Variants in SEL1L3 observed in about 807,000 individuals in gnomAD.
SEL1L3 encodes the protein protein sel-1 homolog 3.
In SEL1L3, 76 loss-of-function variants were observed where a neutral mutation model predicts 142.8. That is an observed-to-expected ratio of 0.53 (90% CI 0.44 to 0.64). The LOEUF (loss-of-function observed/expected upper bound fraction) is 0.64, where lower values mean the gene tolerates loss of function less well. SEL1L3 is among the 30% of genes least tolerant of loss of function. The pLI is 0.00. For missense variants in SEL1L3, 1,262 were observed against 1,381.7 expected (o/e 0.91, Z 1.37); for synonymous variants, 504 against 519.6 (o/e 0.97, Z 0.41).
In SEL1L3 at chr4:25,788,189, T is replaced by C. The variant is rs370965717; in HGVS notation, c.2217+35A>G. The stretch of plus-strand genomic sequence containing the variant: ...AAACTGCTCAGGAGTCTGATAAGAA[T>C]TGCACAATTTCAGCACGAATTAAGT... On this transcript the variant is annotated intron_variant, in intron 13 of 23. Transcript: ENST00000399878. This position sits in a 1 kb window ranked among gnomAD's most constrained non-coding sequence, Gnocchi z 5.3. 4.4e-6 allele frequency: 7 copies of C among 1,608,516 alleles called. No individual in the cohort carries two copies. The highest frequency in any genetic ancestry group is 5.9e-6 in the Non-Finnish European group (7 of 1,177,846).
chr4:25,787,707 T>C (rs932656533), intron 13 of SEL1L3, among the ~76,000 whole-genome samples: 4 of 152,228 alleles, frequency 2.6e-5, no homozygotes, highest in Admixed American at 2.6e-4. Flanking sequence ...TCATTGCCAC[T>C]GTCCCATGAG....
chr4:25,719,632 G>A, the SEL1L3 span: 13 of 152,254 alleles, frequency 8.5e-5, no homozygotes, highest in African/African-American at 3.1e-4. Flanking sequence ...AAAAATAGTA[G>A]GCTGATGAGG....
chr4:25,852,584 C>G (rs578062360), intron 1 of SEL1L3, among the ~76,000 whole-genome samples: 1 of 152,222 alleles, frequency 6.6e-6, no homozygotes, highest in Non-Finnish European at 1.5e-5. Context: ...GTGGCCAACA[C>G]GCCTTATTCC....
chr4:25,792,784 G>A (rs1712445453), intron 11 of SEL1L3, among the ~76,000 whole-genome samples: 1 of 152,234 alleles, frequency 6.6e-6, no homozygotes, highest in Non-Finnish European at 1.5e-5. Context: ...AAGGCCCACA[G>A]GTGGTTAGTG....
At chr4:25,728,529 T>C in the SEL1L3 span, among the ~76,000 whole-genome samples, 1 of 152,106 alleles carries the variant, frequency 6.6e-6, no homozygotes, top group Non-Finnish European at 1.5e-5. Context: ...TGGCATGCCC[T>C]TTCCTACCTA....
chr4:25,795,419 T>C (rs1712664233), intron 11 of SEL1L3, among the ~76,000 whole-genome samples: 1 of 152,178 alleles, frequency 6.6e-6, no homozygotes, highest in Non-Finnish European at 1.5e-5. Flanking sequence ...GATGAAGATC[T>C]AAGAGAATTT....
At chr4:25,836,477 T>C (rs1255477825) in intron 2 of SEL1L3, among the ~76,000 whole-genome samples, 1 of 151,692 alleles carries the variant, frequency 6.6e-6, no homozygotes, top group African/African-American at 2.4e-5. Flanking sequence ...TGAAACCCCA[T>C]CTCTACTAAA....
intron 23 of SEL1L3, among the ~76,000 whole-genome samples, chr4:25,750,319 T>C (rs1230384529): frequency 6.6e-6 from 1 of 151,942 alleles, no homozygotes; most frequent in African/African-American, 2.4e-5. Flanking sequence ...GGAGTAGTTG[T>C]GACCAAGACA....
the SEL1L3 span, among the ~76,000 whole-genome samples, chr4:25,717,926 G>A: frequency 0.15 from 23,532 of 152,036 alleles, 1,880 homozygotes; most frequent in Middle Eastern, 0.26. Context: ...TAAGACCAAC[G>A]GATGACTCTA....
chr4:25,756,939 G>A (rs1018050368), intron 23 of SEL1L3: 2 of 1,274,050 alleles, frequency 1.6e-6, no homozygotes, highest in Admixed American at 4.9e-5. Flanking sequence ...GGAAGAAATT[G>A]TATTAGGTCA....
chr4:25,827,186 T>C (rs1230815010), intron 6 of SEL1L3, among the ~76,000 whole-genome samples: 2 of 152,118 alleles, frequency 1.3e-5, no homozygotes, highest in Non-Finnish European at 2.9e-5. Context: ...TACTGTTGAG[T>C]TAAATTGTGT....
intron 23 of SEL1L3, chr4:25,756,859 T>C: frequency 7.8e-7 from 1 of 1,282,340 alleles, no homozygotes; most frequent in Non-Finnish European, 1.0e-6. Flanking sequence ...GAAGACTTCA[T>C]GCTGCCAGGA....
chr4:25,722,624 C>CTTTTTTTTTTTTTTTTTT, the SEL1L3 span, among the ~76,000 whole-genome samples: 39 of 103,662 alleles, frequency 3.8e-4, 6 homozygotes, highest in African/African-American at 1.3e-3. Context: ...CCAAAGGAGG[C>CTTTTTTTTTTTTTTTTTT]TTTTTTTTTT....
At chr4:25,742,373 A>T in the SEL1L3 span, among the ~76,000 whole-genome samples, 1 of 152,018 alleles carries the variant, frequency 6.6e-6, no homozygotes, top group Non-Finnish European at 1.5e-5. Context: ...TTTTGTAGAG[A>T]TGGGGTTTCA....
Position 25,748,531 on chromosome 4 carries a change from G to A in SEL1L3, c.3293C>T (p.Ser1098Phe), listed in dbSNP as rs1363239316. Residue 1098 changes from serine (S) to phenylalanine (F), a missense_variant, in exon 24 of 24, where the codon TCC becomes TTC. Ser to Phe is a radical substitution (Grantham distance 155). Around this residue, in one of 3 missense-constraint regions of SEL1L3, gnomAD observed 138 missense variants for 129.7 expected, o/e 1.06. Coordinates refer to ENST00000399878, the MANE Select transcript of SEL1L3 (RefSeq NM_015187.5). ...TGCAGTGGACGTGGCAGTGTCTGGG[G>A]AGGCCTGGGATGGTCTTGGAGGGGG... Reference protein sequence around the residue: ...SDPPPRPSQASPDTATSTASP... With the variant: ...SDPPPRPSQAFPDTATSTASP... 2 of 1,611,764 alleles carry A rather than the reference G, an allele frequency of 1.2e-6. No homozygotes were observed. The highest frequency in any genetic ancestry group is 2.2e-5 in the South Asian group (2 of 90,226).
chr4:25,759,225 A>C lies in SEL1L3; in HGVS notation c.2956-157T>G, dbSNP rs1021488129. ...TCTTCATTGATGAATTGTTTCCCTA[A>C]ATATATGCATCTGAGAAATTTATTT... On this transcript the variant is annotated intron_variant, in intron 20 of 23. Coordinates refer to ENST00000399878, the MANE Select transcript of SEL1L3 (RefSeq NM_015187.5). The C allele has an allele frequency of 7.5e-5, 53 of 709,242 alleles. No individual in the cohort carries two copies. In the Admixed American group the frequency reaches 8.0e-4, roughly 11 times the overall value. The allele number at this position is 709,242 out of a possible 1,614,324, so 43.9% of individuals were successfully genotyped here.
At chr4:25,797,264 GCCT>G (rs1394676641) in intron 11 of SEL1L3, among the ~76,000 whole-genome samples, 1 of 151,998 alleles carries the variant, frequency 6.6e-6, no homozygotes, top group African/African-American at 2.4e-5. Context: ...TTTTCCAGGA[GCCT>G]CTGCCTTCTG....
the SEL1L3 span, among the ~76,000 whole-genome samples, chr4:25,723,947 TAAGC>T: frequency 6.6e-6 from 1 of 152,186 alleles, no homozygotes; most frequent in Non-Finnish European, 1.5e-5. Flanking sequence ...TTTAGTGTAC[TAAGC>T]AAGGTTCTGA....
the SEL1L3 span, among the ~76,000 whole-genome samples, chr4:25,726,161 T>G: frequency 6.6e-6 from 1 of 151,682 alleles, no homozygotes; most frequent in African/African-American, 2.4e-5. Context: ...AGAGGAAACC[T>G]GAGCTGGGTT....
Sources: allele counts gnomAD v4.1 joint callset (sites outside exome capture counted in the v4.1 genomes callset), GRCh38; gene constraint gnomAD v4.1.1; regional missense constraint gnomAD v4.1.1; non-coding constraint Gnocchi (gnomAD v3.1); transcripts MANE v1.5; gene names NCBI Gene and HGNC (gene_info 2026-07-23, HGNC 2026-07-21).